Variants in ARHGAP10 observed in about 807,000 individuals in gnomAD.
ARHGAP10 encodes Rho GTPase activating protein 10.
In ARHGAP10, 87 loss-of-function variants were observed where a neutral mutation model predicts 108.6. The observed-to-expected ratio is 0.80, with a 90% CI of 0.67 to 0.96. The LOEUF is 0.96. ARHGAP10 is among the 40% of genes least tolerant of loss of function. The probability of loss-of-function intolerance (pLI) is 0.00; values close to 1 mark genes in which losing one functional copy is unlikely to be tolerated. For synonymous variants in ARHGAP10, 347 were observed against 341.1 expected (o/e 1.02, Z -0.19); for missense variants, 939 against 954.5 (o/e 0.98, Z 0.21).
At chr4:147,853,469 CA>C (rs1280202664) in intron 4 of ARHGAP10, among the ~76,000 whole-genome samples, 4 of 151,788 alleles carry the variant, frequency 2.6e-5, no homozygotes, top group East Asian at 3.9e-4. Context: ...AAAGAAAATT[CA>C]AAAAAAGTCA....
chr4:148,004,973 T>C (rs1740886830), intron 18 of ARHGAP10, among the ~76,000 whole-genome samples: 1 of 152,226 alleles, frequency 6.6e-6, no homozygotes, highest in South Asian at 2.1e-4. Flanking sequence ...AGAAAACTAA[T>C]ACACTGAAAA....
chr4:147,932,770 C>A (rs890205712), intron 13 of ARHGAP10, among the ~76,000 whole-genome samples: 8 of 152,052 alleles, frequency 5.3e-5, no homozygotes, highest in African/African-American at 1.9e-4. Flanking sequence ...ACTTATGTAA[C>A]CTGTACATCC....
intron 1 of ARHGAP10, among the ~76,000 whole-genome samples, chr4:147,818,295 G>T (rs185840906): frequency 6.6e-5 from 10 of 152,140 alleles, no homozygotes; most frequent in Admixed American, 5.9e-4. Flanking sequence ...GCTGGGCGCG[G>T]TGGCTCACGC....
At chr4:147,972,990 A>G (rs1227084968) in intron 18 of ARHGAP10, among the ~76,000 whole-genome samples, 5 of 152,016 alleles carry the variant, frequency 3.3e-5, no homozygotes, top group Non-Finnish European at 5.9e-5. Context: ...CCTGATCTCA[A>G]GTGATCCACC....
chr4:148,005,874 G>A (rs1391157318), intron 18 of ARHGAP10, among the ~76,000 whole-genome samples: 1 of 152,122 alleles, frequency 6.6e-6, no homozygotes, highest in African/African-American at 2.4e-5. Context: ...GTTACTTTGG[G>A]AATGATTATT....
At chr4:148,026,466 T>G (rs1443564905) in intron 19 of ARHGAP10, among the ~76,000 whole-genome samples, 5 of 152,224 alleles carry the variant, frequency 3.3e-5, no homozygotes. Context: ...CGAGTGTCTT[T>G]ACTTTAGTAA....
In ARHGAP10 at chr4:147,771,552, T is replaced by G. The variant is rs74417823; in HGVS notation, c.154+39097T>G. 7.7e-3 allele frequency among the ~76,000 whole-genome samples: 1,165 copies of G among 152,276 alleles called. 11 individuals are homozygous for G. Among genetic ancestry groups the G allele is most frequent in the South Asian group, 0.023 (112 of 4,816 alleles). ...CCAGCAAATACTAGGTGGCACAATT[T>G]TTTTGTACCCATTCAAGTGTTGTGT... On this transcript the variant is annotated intron_variant, in intron 1 of 22. Transcript: ENST00000336498.
intron 1 of ARHGAP10, among the ~76,000 whole-genome samples, chr4:147,793,569 T>A (rs960967084): frequency 1.3e-5 from 2 of 152,078 alleles, no homozygotes; most frequent in Non-Finnish European, 2.9e-5. Context: ...AGTTTGTCCA[T>A]CTCAGCCTGG....
intron 1 of ARHGAP10, among the ~76,000 whole-genome samples, chr4:147,787,981 C>T (rs768005259): frequency 3.9e-5 from 6 of 152,074 alleles, no homozygotes; most frequent in Non-Finnish European, 8.8e-5. Context: ...AATTTAAAAC[C>T]CAAATAGTTC....
At chr4:147,748,980 C>T (rs1419886309) in intron 1 of ARHGAP10, among the ~76,000 whole-genome samples, 1 of 91,970 alleles carries the variant, frequency 1.1e-5, no homozygotes, top group Non-Finnish European at 2.9e-5. Context: ...AAGCTGATGT[C>T]CTATACATAA....
chr4:147,879,372 A>G (rs754139215), intron 9 of ARHGAP10, 34 bp downstream of exon 9: 2 of 1,579,400 alleles, frequency 1.3e-6, no homozygotes, highest in South Asian at 1.1e-5. Flanking sequence ...ATAGATTATA[A>G]TCTGTCAGAG....
chr4:148,044,675 G>A (rs1365098162), intron 19 of ARHGAP10, among the ~76,000 whole-genome samples: 2 of 152,118 alleles, frequency 1.3e-5, no homozygotes, highest in South Asian at 4.1e-4. Flanking sequence ...AAAGACACAG[G>A]GAGGGGCTGG....
At chr4:147,876,234 A>G (rs1735052644) in intron 8 of ARHGAP10, among the ~76,000 whole-genome samples, 1 of 152,092 alleles carries the variant, frequency 6.6e-6, no homozygotes, top group South Asian at 2.1e-4. Flanking sequence ...AGAAGTCTCC[A>G]TTTTTCTCAT....
chr4:147,788,112 A>T (rs1179272045), intron 1 of ARHGAP10, among the ~76,000 whole-genome samples: 1 of 146,090 alleles, frequency 6.8e-6, no homozygotes, highest in African/African-American at 2.5e-5. Flanking sequence ...GGACACCATA[A>T]ATAGCTCCTT....
intron 13 of ARHGAP10, among the ~76,000 whole-genome samples, chr4:147,927,778 T>C (rs558931537): frequency 3.3e-5 from 5 of 152,310 alleles, no homozygotes; most frequent in Non-Finnish European, 7.4e-5. Flanking sequence ...GCAGAGGCTG[T>C]GAGATACTCC....
intron 1 of ARHGAP10, among the ~76,000 whole-genome samples, chr4:147,757,540 C>G (rs1729430152): frequency 6.6e-6 from 1 of 152,156 alleles, no homozygotes; most frequent in Non-Finnish European, 1.5e-5. Flanking sequence ...CCAGCTGGTC[C>G]TCCCAGTTTT....
At chr4:148,037,378 G>C (rs138299744) in intron 19 of ARHGAP10, among the ~76,000 whole-genome samples, 1 of 152,308 alleles carries the variant, frequency 6.6e-6, no homozygotes, top group African/African-American at 2.4e-5. Flanking sequence ...GGATGTCCTT[G>C]TTAAAACAGA....
In ARHGAP10 at chr4:148,030,617, C is replaced by T. The variant is rs78793767; in HGVS notation, c.1867+7204C>T. ...TTGTGTACAATTAATAGAACAAAGC[C>T]AACCTGTGGCCAGTTCATTTTTACT... On this transcript the variant is annotated intron_variant, in intron 19 of 22. Coordinates refer to ENST00000336498, the MANE Select transcript of ARHGAP10 (RefSeq NM_024605.4). Among the ~76,000 whole-genome samples, 1,204 of 152,224 alleles carry T rather than the reference C, an allele frequency of 7.9e-3. 16 individuals are homozygous for T. The highest frequency in any genetic ancestry group is 0.027 in the African/African-American group (1,121 of 41,530).
chr4:147,817,606 T>C (rs1732307579), intron 1 of ARHGAP10, among the ~76,000 whole-genome samples: 1 of 152,196 alleles, frequency 6.6e-6, no homozygotes, highest in Non-Finnish European at 1.5e-5. Flanking sequence ...TCTCTCAAAC[T>C]GCTCCTAACC....
Sources: allele counts gnomAD v4.1 joint callset (sites outside exome capture counted in the v4.1 genomes callset), GRCh38; gene constraint gnomAD v4.1.1; transcripts MANE v1.5; gene names NCBI Gene and HGNC (gene_info 2026-07-23, HGNC 2026-07-21).